Variants in NBAS observed in about 807,000 individuals in gnomAD.
The protein encoded by NBAS is NBAS subunit of NRZ tethering complex, also known as NAG/BC035112 fusion.
In NBAS, 219 loss-of-function variants were observed where a neutral mutation model predicts 302.5. The observed-to-expected ratio is 0.72, with a 90% CI of 0.65 to 0.81. The LOEUF is 0.81. Ranked by LOEUF, NBAS falls within the 30% of genes least tolerant of loss-of-function variation. NBAS has a pLI of 0.00. For missense variants in NBAS, 2,932 were observed against 2,841.6 expected, an observed-to-expected ratio of 1.03 and a Z score of -0.72; for synonymous variants, 1,118 against 1,021.6, an observed-to-expected ratio of 1.09 and a Z score of -1.80.
the NBAS span, among the ~76,000 whole-genome samples, chr2:14,832,049 C>G: frequency 1.3e-5 from 2 of 152,246 alleles, no homozygotes; most frequent in African/African-American, 4.8e-5. Context: ...TGGGTCAGGC[C>G]TAGAATGAGA....
intron 42 of NBAS, among the ~76,000 whole-genome samples, chr2:15,286,103 A>G (rs1419852256): frequency 2.0e-5 from 3 of 152,120 alleles, no homozygotes; most frequent in Admixed American, 6.5e-5. Context: ...ACTCACCCTC[A>G]TATCTAGTTT....
the NBAS span, among the ~76,000 whole-genome samples, chr2:14,815,857 G>A: frequency 6.6e-6 from 1 of 152,056 alleles, no homozygotes; most frequent in Non-Finnish European, 1.5e-5. Flanking sequence ...TATCTACCCA[G>A]ACAACTAAAC....
At chr2:15,379,564 C>G (rs1300126300) in intron 30 of NBAS, 38 bp downstream of exon 30, 1 of 1,580,678 alleles carries the variant, frequency 6.3e-7, no homozygotes, top group Admixed American at 1.7e-5. Flanking sequence ...TTCTGACTTT[C>G]CCCCTCCATC....
At chr2:14,824,251 A>G in the NBAS span, among the ~76,000 whole-genome samples, 3 of 152,234 alleles carry the variant, frequency 2.0e-5, no homozygotes, top group Admixed American at 6.5e-5. Context: ...AATATTACCT[A>G]GGTTTCACAG....
At chr2:15,484,724 T>C (rs1680555282) in intron 12 of NBAS, among the ~76,000 whole-genome samples, 1 of 152,168 alleles carries the variant, frequency 6.6e-6, no homozygotes, top group Non-Finnish European at 1.5e-5. Context: ...GTCATTTTAA[T>C]CATTTGTTCA....
chr2:15,212,834 C>T (rs913123584), intron 48 of NBAS, among the ~76,000 whole-genome samples: 1 of 150,454 alleles, frequency 6.6e-6, no homozygotes, highest in African/African-American at 2.5e-5. Flanking sequence ...TTATAAGTTT[C>T]CTGAGGCCTC....
chr2:14,817,279 C>T, the NBAS span, among the ~76,000 whole-genome samples: 1 of 152,218 alleles, frequency 6.6e-6, no homozygotes, highest in African/African-American at 2.4e-5. Flanking sequence ...TACCTCTACC[C>T]ATGCTTATGC....
intron 45 of NBAS, 33 bp from the exon 46 acceptor site, chr2:15,234,780 CA>C: frequency 6.3e-7 from 1 of 1,598,076 alleles, no homozygotes; most frequent in South Asian, 1.1e-5. Context: ...ACTTAAGTAT[CA>C]AATAGAAATT....
chr2:14,996,625 C>T, the NBAS span, among the ~76,000 whole-genome samples: 1 of 152,296 alleles, frequency 6.6e-6, no homozygotes, highest in Non-Finnish European at 1.5e-5. Context: ...CCCTCAGATG[C>T]CAGGAACAAC....
chr2:15,254,848 G>A (rs757896542), intron 44 of NBAS, among the ~76,000 whole-genome samples: 1 of 152,112 alleles, frequency 6.6e-6, no homozygotes, highest in Non-Finnish European at 1.5e-5. Context: ...CTCCATCCAG[G>A]TTGCTGAGAA....
chr2:15,395,373 A>T (rs3828465), intron 27 of NBAS, among the ~76,000 whole-genome samples: 95,119 of 151,976 alleles, frequency 0.63, 30,530 homozygotes, highest in Middle Eastern at 0.69. Flanking sequence ...AACTAAACTG[A>T]ATGTGTTAGG....
At chr2:15,437,239 C>T (rs764990260) in intron 21 of NBAS, among the ~76,000 whole-genome samples, 4 of 152,056 alleles carry the variant, frequency 2.6e-5, no homozygotes, top group African/African-American at 9.7e-5. Flanking sequence ...GTTCCAGCTA[C>T]TGGGGAGGCT....
At chr2:15,109,504 TAGTC>T in the NBAS span, among the ~76,000 whole-genome samples, 1 of 152,248 alleles carries the variant, frequency 6.6e-6, no homozygotes, top group Non-Finnish European at 1.5e-5. Flanking sequence ...ATTTTAAAAA[TAGTC>T]AGTTCTGACT....
the NBAS span, among the ~76,000 whole-genome samples, chr2:14,809,988 C>A: frequency 6.6e-6 from 1 of 152,212 alleles, no homozygotes; most frequent in Non-Finnish European, 1.5e-5. Context: ...GGGCTTGCAG[C>A]CCCTTTGTTT....
chr2:15,153,899 GTGCTGTACTAA>G, the NBAS span, among the ~76,000 whole-genome samples: 2 of 152,330 alleles, frequency 1.3e-5, no homozygotes, highest in East Asian at 3.9e-4. Context: ...AAACTAAACA[GTGCTGTACTAA>G]TGTGTGTTAT....
intron 28 of NBAS, among the ~76,000 whole-genome samples, chr2:15,392,903 G>C (rs1159072559): frequency 6.6e-6 from 1 of 151,890 alleles, no homozygotes; most frequent in Admixed American, 6.6e-5. Context: ...GCATGGTATG[G>C]GAAGAAAGAT....
intron 44 of NBAS, among the ~76,000 whole-genome samples, chr2:15,241,500 T>C (rs1283964835): frequency 6.6e-6 from 1 of 152,166 alleles, no homozygotes; most frequent in Admixed American, 6.5e-5. Context: ...GAACAATACA[T>C]TCAGAAAAGT....
the NBAS span, among the ~76,000 whole-genome samples, chr2:15,004,206 G>A: frequency 6.6e-6 from 1 of 152,162 alleles, no homozygotes; most frequent in African/African-American, 2.4e-5. Flanking sequence ...TTAGCACAGC[G>A]TCAGTGTTTG....
intron 48 of NBAS, among the ~76,000 whole-genome samples, chr2:15,215,023 G>C (rs564779122): frequency 6.6e-6 from 1 of 152,070 alleles, no homozygotes; most frequent in East Asian, 1.9e-4. Flanking sequence ...TTTTCTAAAG[G>C]AATTAACCAT....
Sources: allele counts gnomAD v4.1 joint callset (sites outside exome capture counted in the v4.1 genomes callset), GRCh38; gene constraint gnomAD v4.1.1; transcripts MANE v1.5; gene names NCBI Gene and HGNC (gene_info 2026-07-23, HGNC 2026-07-21).